EPM2A: variants seen among roughly 807,000 people sequenced by gnomAD.
The protein encoded by EPM2A is laforin.
In EPM2A, 21 loss-of-function variants were observed where a neutral mutation model predicts 26.5. The observed-to-expected ratio is 0.79, with a 90% CI of 0.56 to 1.14. The LOEUF is 1.14. Ranked by LOEUF, EPM2A falls within the 50% of genes most tolerant of loss-of-function variation. EPM2A has a pLI of 0.00. For synonymous variants in EPM2A, 217 were observed against 177.6 expected, an observed-to-expected ratio of 1.22 and a Z score of -1.76; for missense variants, 458 against 440.8, an observed-to-expected ratio of 1.04 and a Z score of -0.35.
At chr6:145,467,656 A>T (rs1490984281) in intron 4 of EPM2A, among the ~76,000 whole-genome samples, 1 of 152,138 alleles carries the variant, frequency 6.6e-6, no homozygotes, top group African/African-American at 2.4e-5. Flanking sequence ...TTTATATGGG[A>T]TTGCATTAAA....
intron 2 of EPM2A, among the ~76,000 whole-genome samples, chr6:145,512,838 G>T (rs1780074848): frequency 6.6e-6 from 1 of 151,662 alleles, no homozygotes; most frequent in African/African-American, 2.4e-5. Flanking sequence ...TTCAATAAAT[G>T]GTGCTGGGAA....
chr6:145,711,725 T>G (rs1460609993), intron 1 of EPM2A, among the ~76,000 whole-genome samples: 1 of 152,084 alleles, frequency 6.6e-6, no homozygotes, highest in African/African-American at 2.4e-5. Context: ...AAATCAAATG[T>G]TTTTTAGAAA....
intron 2 of EPM2A, among the ~76,000 whole-genome samples, chr6:145,645,606 CT>C (rs112139648): frequency 1.7e-3 from 248 of 146,514 alleles, no homozygotes; most frequent in South Asian, 2.4e-3. Context: ...TCCTGGCAAA[CT>C]TTTTTTTTTT....
chr6:145,590,452 G>T (rs80335817), intron 2 of EPM2A, among the ~76,000 whole-genome samples: 1 of 65,140 alleles, frequency 1.5e-5, no homozygotes, highest in African/African-American at 4.7e-5. Flanking sequence ...TAAAAAAAAA[G>T]AAAATTGTGC....
intron 2 of EPM2A, among the ~76,000 whole-genome samples, chr6:145,642,884 A>G (rs1203678287): frequency 6.6e-6 from 1 of 152,228 alleles, no homozygotes; most frequent in Non-Finnish European, 1.5e-5. Flanking sequence ...ATACTAATAT[A>G]AAAGCAATGA....
chr6:145,602,080 T>C (rs1781424199), intron 2 of EPM2A, among the ~76,000 whole-genome samples: 1 of 152,186 alleles, frequency 6.6e-6, no homozygotes. Context: ...CATGGGAATA[T>C]ATTATTTTCT....
intron 2 of EPM2A, among the ~76,000 whole-genome samples, chr6:145,681,056 GT>G (rs1299625570): frequency 6.6e-6 from 1 of 152,176 alleles, no homozygotes; most frequent in Admixed American, 6.5e-5. Flanking sequence ...AGCACCTGTT[GT>G]TTCCTGACTC....
chr6:145,426,273 C>A (rs553277430), intron 4 of EPM2A, among the ~76,000 whole-genome samples: 17 of 152,278 alleles, frequency 1.1e-4, no homozygotes, highest in African/African-American at 3.9e-4. Flanking sequence ...CTTCACACTG[C>A]TCCCTTTGCA....
intron 4 of EPM2A, among the ~76,000 whole-genome samples, chr6:145,406,166 G>A (rs1778566848): frequency 6.6e-6 from 1 of 152,060 alleles, no homozygotes; most frequent in Admixed American, 6.6e-5. Context: ...TGCCACCAAA[G>A]TCTGCTGCTT....
intron 4 of EPM2A, among the ~76,000 whole-genome samples, chr6:145,396,083 C>T (rs984659074): frequency 6.6e-5 from 10 of 152,114 alleles, no homozygotes; most frequent in South Asian, 2.1e-4. Context: ...CTGTTAAGAA[C>T]GAAGACTTTG....
At chr6:145,635,051 T>C in intron 3 of EPM2A, 194 bp downstream of exon 3, 1 of 594,654 alleles carries the variant, frequency 1.7e-6, no homozygotes, top group Non-Finnish European at 2.8e-6. Context: ...GTTGAATGAA[T>C]AAACAAAGAA....
At chr6:145,681,056 G>A (rs1780491166) in intron 2 of EPM2A, among the ~76,000 whole-genome samples, 2 of 152,176 alleles carry the variant, frequency 1.3e-5, no homozygotes, top group African/African-American at 2.4e-5. Flanking sequence ...AGCACCTGTT[G>A]TTTCCTGACT....
intron 4 of EPM2A, among the ~76,000 whole-genome samples, chr6:145,472,889 T>A (rs970503655): frequency 1.3e-5 from 2 of 152,244 alleles, no homozygotes; most frequent in African/African-American, 4.8e-5. Context: ...ACACTCAAGT[T>A]CTTTCAAATA....
intron 2 of EPM2A, among the ~76,000 whole-genome samples, chr6:145,648,267 G>A (rs1777629800): frequency 6.6e-6 from 1 of 152,168 alleles, no homozygotes; most frequent in Non-Finnish European, 1.5e-5. Flanking sequence ...AAAAGGTAGA[G>A]ACCAGCCTCT....
At position 145,417,757 on chromosome 6, in the gene EPM2A, G is replaced by A. The variant is rs116160597; in HGVS notation, c.556-33660C>T. Among the ~76,000 whole-genome samples, 1,043 of 152,038 alleles carry A rather than the reference G, an allele frequency of 6.9e-3. 13 individuals carry two copies. The highest frequency in any genetic ancestry group is 0.024 in the African/African-American group (1,002 of 41,474). ...CTAACCTCAGCCACACAGTTGAGGCGGCTGCCCCCAGACTCCACAGCTGAA... is the reference window on the plus strand; with the variant it reads ...CTAACCTCAGCCACACAGTTGAGGCAGCTGCCCCCAGACTCCACAGCTGAA... On this transcript the variant is annotated intron_variant, in intron 4 of 4. Coordinates refer to the EPM2A transcript ENST00000638717.
In EPM2A at chr6:145,627,463, A is replaced by T; in HGVS notation, c.949T>A (p.Phe317Ile). The change falls in exon 4 of 4, where the codon TTT (phenylalanine) becomes ATT (isoleucine). Residue 317 changes from phenylalanine to isoleucine, a missense_variant. Phe to Ile is a conservative substitution (Grantham distance 21). Transcript: ENST00000367519. ...CGAACCTTCCCAAATTTCTGGAAAA[A>T]ATCTTCTTGTGCCCGGGCCAAGGCC... The part of the protein sequence containing the change: ...EEALARAQED[F>I]FQKFGKVRSS... 1.2e-6 allele frequency: 2 copies of T among 1,614,226 alleles called. No individual in the cohort carries two copies. Among genetic ancestry groups the T allele is most frequent in the Non-Finnish European group, 1.7e-6 (2 of 1,180,052 alleles).
chr6:145,621,310 T>C (rs1775627619), downstream of EPM2A, among the ~76,000 whole-genome samples: 1 of 152,250 alleles, frequency 6.6e-6, no homozygotes, highest in African/African-American at 2.4e-5. Context: ...CCACTGTTTA[T>C]ATATCCACCA....
intron 2 of EPM2A, among the ~76,000 whole-genome samples, chr6:145,549,040 T>C (rs796651755): frequency 5.9e-5 from 9 of 152,254 alleles, no homozygotes; most frequent in African/African-American, 2.2e-4. Flanking sequence ...GAGATACCTT[T>C]ATCTGTTTTG....
rs72228636 is a variant in EPM2A at position 145,541,300 on chromosome 6, G to GTGTGTGTGTGTATATA, written c.341-38741_341-38726dup. Among the ~76,000 whole-genome samples, 680 of 146,600 alleles carry GTGTGTGTGTGTATATA rather than the reference G, an allele frequency of 4.6e-3. 22 individuals carry two copies. The East Asian group carries it at 0.084, about 18-fold the overall frequency. On this transcript the variant is annotated intron_variant, in intron 2 of 3. Coordinates refer to the EPM2A transcript ENST00000450221. The stretch of plus-strand genomic sequence containing the variant: ...GTATATATATAAAAAACACCAATTT[G>GTGTGTGTGTGTATATA]TGTGTGTGTGTATATACATATATAT...
Sources: allele counts gnomAD v4.1 joint callset (sites outside exome capture counted in the v4.1 genomes callset), GRCh38; gene constraint gnomAD v4.1.1; transcripts MANE v1.5; gene names NCBI Gene and HGNC (gene_info 2026-07-23, HGNC 2026-07-21).